Variants in NKAIN2 observed in about 807,000 individuals in gnomAD.
NKAIN2 encodes sodium/potassium-transporting ATPase subunit beta-1-interacting protein 2.
NKAIN2 carries 14 observed loss-of-function variants against 32.6 expected under a neutral mutation model. The observed-to-expected ratio is 0.43, with a 90% CI of 0.28 to 0.67. NKAIN2 has a LOEUF of 0.67. NKAIN2 is among the 30% of genes least tolerant of loss of function. The pLI is 0.17. For missense variants in NKAIN2, 198 were observed against 258.3 expected, an observed-to-expected ratio of 0.77 and a Z score of 1.60; for synonymous variants, 80 against 87.2, an observed-to-expected ratio of 0.92 and a Z score of 0.46.
At chr6:124,643,082 C>A (rs947194953) in intron 3 of NKAIN2, among the ~76,000 whole-genome samples, 8 of 152,154 alleles carry the variant, frequency 5.3e-5, no homozygotes, top group Admixed American at 5.2e-4. Context: ...ATATCTCCTG[C>A]ACAGCCCACC....
intron 2 of NKAIN2, among the ~76,000 whole-genome samples, chr6:124,351,823 C>T (rs1034005651): frequency 5.3e-5 from 8 of 152,068 alleles, no homozygotes; most frequent in Non-Finnish European, 1.2e-4. Context: ...GGTTTTGCCA[C>T]GTTGGCCCAC....
intron 1 of NKAIN2, among the ~76,000 whole-genome samples, chr6:123,931,530 G>C (rs1364462228): frequency 6.6e-6 from 1 of 152,114 alleles, no homozygotes; most frequent in Non-Finnish European, 1.5e-5. Flanking sequence ...GGCAGCACAT[G>C]TATTTTTTAT....
chr6:124,336,903 C>T (rs1325989424), intron 2 of NKAIN2, among the ~76,000 whole-genome samples: 1 of 152,016 alleles, frequency 6.6e-6, no homozygotes, highest in Non-Finnish European at 1.5e-5. Context: ...GATCTTCTGA[C>T]ATTGTGATCC....
At chr6:124,186,713 T>A (rs763336968) in intron 1 of NKAIN2, among the ~76,000 whole-genome samples, 2 of 152,222 alleles carry the variant, frequency 1.3e-5, no homozygotes, top group Non-Finnish European at 2.9e-5. Flanking sequence ...TTATTTAGTA[T>A]TAAATTAATA....
intron 4 of NKAIN2, among the ~76,000 whole-genome samples, chr6:124,668,426 A>G (rs1772923716): frequency 6.6e-6 from 1 of 152,132 alleles, no homozygotes; most frequent in Non-Finnish European, 1.5e-5. Flanking sequence ...ACAACGTTAT[A>G]AATAGAGACT....
intron 2 of NKAIN2, among the ~76,000 whole-genome samples, chr6:124,345,671 G>T (rs1226102046): frequency 2.0e-5 from 3 of 151,552 alleles, no homozygotes; most frequent in African/African-American, 7.3e-5. Flanking sequence ...CTGTGGGATC[G>T]GTGATGATAT....
chr6:124,120,866 G>C (rs370229553), intron 1 of NKAIN2, among the ~76,000 whole-genome samples: 17 of 152,214 alleles, frequency 1.1e-4, no homozygotes, highest in African/African-American at 3.9e-4. Flanking sequence ...GATTTACAAA[G>C]AAGAGGTCAT....
chr6:124,458,685 G>A (rs560324504), intron 3 of NKAIN2, among the ~76,000 whole-genome samples: 1 of 151,934 alleles, frequency 6.6e-6, no homozygotes, highest in Non-Finnish European at 1.5e-5. Flanking sequence ...TTATAGGACT[G>A]TATTATTTTG....
chr6:124,415,629 A>G (rs534849353), intron 3 of NKAIN2, among the ~76,000 whole-genome samples: 6 of 152,244 alleles, frequency 3.9e-5, no homozygotes, highest in African/African-American at 1.4e-4. Flanking sequence ...TTGGAGGGTG[A>G]GACTGAAAGT....
intron 2 of NKAIN2, among the ~76,000 whole-genome samples, chr6:124,306,197 G>A (rs1365623455): frequency 6.6e-6 from 1 of 152,070 alleles, no homozygotes; most frequent in Non-Finnish European, 1.5e-5. Flanking sequence ...AGAGTTGATA[G>A]GTAAGAAATT....
intron 1 of NKAIN2, among the ~76,000 whole-genome samples, chr6:123,835,506 T>G (rs1774580339): frequency 6.6e-6 from 1 of 152,258 alleles, no homozygotes; most frequent in Non-Finnish European, 1.5e-5. Flanking sequence ...AATCTTGTTT[T>G]GTTCTTTTTC....
chr6:123,967,459 G>GC (rs1778136256), intron 1 of NKAIN2, among the ~76,000 whole-genome samples: 2 of 152,102 alleles, frequency 1.3e-5, no homozygotes, highest in Admixed American at 1.3e-4. Context: ...CTTACAACTT[G>GC]CCCCCCTTTT....
intron 3 of NKAIN2, among the ~76,000 whole-genome samples, chr6:124,655,537 G>A (rs1784510657): frequency 6.6e-6 from 1 of 152,074 alleles, no homozygotes. Flanking sequence ...CAGCTATGGT[G>A]ACTAACTGTC....
At chr6:124,438,838 CA>C (rs1333938408) in intron 3 of NKAIN2, among the ~76,000 whole-genome samples, 2 of 152,144 alleles carry the variant, frequency 1.3e-5, no homozygotes, top group African/African-American at 4.8e-5. Flanking sequence ...TGGGACACAA[CA>C]GCCATCTGTT....
intron 3 of NKAIN2, among the ~76,000 whole-genome samples, chr6:124,631,148 G>C (rs1418889084): frequency 6.6e-6 from 1 of 152,046 alleles, no homozygotes; most frequent in Non-Finnish European, 1.5e-5. Context: ...TCCATTTCAC[G>C]AGAGTGTTTA....
At chr6:124,282,818 A>C (rs1795364044) in intron 1 of NKAIN2, among the ~76,000 whole-genome samples, 187 bp from the exon 2 acceptor site, 1 of 152,210 alleles carries the variant, frequency 6.6e-6, no homozygotes, top group Non-Finnish European at 1.5e-5. Flanking sequence ...CTATAGATCC[A>C]CAGATTCCAT....
intron 1 of NKAIN2, among the ~76,000 whole-genome samples, chr6:123,965,309 A>T (rs914296493): frequency 6.6e-6 from 1 of 152,158 alleles, no homozygotes; most frequent in Non-Finnish European, 1.5e-5. Flanking sequence ...CCAGTAATAT[A>T]TGCCTTTTAA....
intron 1 of NKAIN2, among the ~76,000 whole-genome samples, chr6:124,278,718 A>C (rs1795158241): frequency 6.9e-6 from 1 of 144,804 alleles, no homozygotes; most frequent in Non-Finnish European, 1.5e-5. Flanking sequence ...AAAACATGAA[A>C]TATATATATA....
chr6:124,119,188 A>G (rs1785756897), intron 1 of NKAIN2, among the ~76,000 whole-genome samples: 1 of 152,172 alleles, frequency 6.6e-6, no homozygotes, highest in Non-Finnish European at 1.5e-5. Context: ...TTTAAAAAGT[A>G]AAAAATTTAA....
Sources: allele counts gnomAD v4.1 joint callset (sites outside exome capture counted in the v4.1 genomes callset), GRCh38; gene constraint gnomAD v4.1.1; transcripts MANE v1.5; gene names NCBI Gene and HGNC (gene_info 2026-07-23, HGNC 2026-07-21).